MACROD2: variants seen among roughly 807,000 people sequenced by gnomAD.
The protein encoded by MACROD2 is mono-ADP ribosylhydrolase 2.
In MACROD2, 36 loss-of-function variants were observed where a neutral mutation model predicts 70.4. That is an observed-to-expected ratio of 0.51 (90% CI 0.39 to 0.68). MACROD2 has a LOEUF of 0.68. Ranked by LOEUF, MACROD2 falls within the 30% of genes least tolerant of loss-of-function variation. MACROD2 has a pLI of 0.00. For missense variants in MACROD2, 496 were observed against 538.4 expected (o/e 0.92, Z 0.78); for synonymous variants, 172 against 178.8 (o/e 0.96, Z 0.30).
chr20:15,527,815 A>G (rs1381237291), intron 8 of MACROD2, among the ~76,000 whole-genome samples: 2 of 152,172 alleles, frequency 1.3e-5, no homozygotes, highest in African/African-American at 4.8e-5. Context: ...CTAGATTCTC[A>G]TATTTTCCAA....
At chr20:14,498,503 A>T (rs934904897) in intron 4 of MACROD2, among the ~76,000 whole-genome samples, 2 of 152,330 alleles carry the variant, frequency 1.3e-5, no homozygotes, top group East Asian at 1.9e-4. Context: ...CCTGTGGCCA[A>T]TCATGATCCC....
intron 3 of MACROD2, among the ~76,000 whole-genome samples, chr20:14,093,111 C>T (rs1375886424): frequency 6.6e-6 from 1 of 152,156 alleles, no homozygotes; most frequent in East Asian, 1.9e-4. Context: ...ACAGGAATCT[C>T]ACTCTGTCAC....
At chr20:15,832,077 G>A (rs2064062193) in intron 8 of MACROD2, among the ~76,000 whole-genome samples, 1 of 152,130 alleles carries the variant, frequency 6.6e-6, no homozygotes, top group South Asian at 2.1e-4. Context: ...TGCATGATTT[G>A]ATTTTATCCA....
chr20:15,273,611 G>A (rs369703881), intron 6 of MACROD2, among the ~76,000 whole-genome samples: 15 of 152,218 alleles, frequency 9.9e-5, no homozygotes, highest in African/African-American at 3.6e-4. Flanking sequence ...GTGAGGAAAA[G>A]GCAGTTTTCT....
At chr20:15,420,057 G>T (rs1236571987) in intron 6 of MACROD2, among the ~76,000 whole-genome samples, 1 of 152,178 alleles carries the variant, frequency 6.6e-6, no homozygotes, top group Non-Finnish European at 1.5e-5. Flanking sequence ...CAGGTTTATG[G>T]AGACCTGTTC....
At chr20:14,641,595 C>T (rs1259287202) in intron 4 of MACROD2, among the ~76,000 whole-genome samples, 2 of 152,156 alleles carry the variant, frequency 1.3e-5, no homozygotes, top group Non-Finnish European at 2.9e-5. Context: ...TGATGGGCTA[C>T]AGAATGGATG....
intron 6 of MACROD2, among the ~76,000 whole-genome samples, chr20:15,269,442 T>C (rs1252661161): frequency 6.6e-6 from 1 of 152,260 alleles, no homozygotes; most frequent in Non-Finnish European, 1.5e-5. Flanking sequence ...CAGCTGATTA[T>C]GTCTTGTCCC....
chr20:15,159,555 T>C (rs1334574456), intron 5 of MACROD2, among the ~76,000 whole-genome samples: 1 of 152,080 alleles, frequency 6.6e-6, no homozygotes, highest in Non-Finnish European at 1.5e-5. Flanking sequence ...TTGCTTTATT[T>C]TGAGGAAGAC....
chr20:14,333,032 T>G (rs2082872837), intron 3 of MACROD2, among the ~76,000 whole-genome samples: 1 of 152,032 alleles, frequency 6.6e-6, no homozygotes, highest in Non-Finnish European at 1.5e-5. Flanking sequence ...AAATTTTCCA[T>G]GATCATCAGA....
intron 8 of MACROD2, among the ~76,000 whole-genome samples, chr20:15,775,893 C>T (rs1382428957): frequency 6.6e-6 from 1 of 151,944 alleles, no homozygotes; most frequent in Non-Finnish European, 1.5e-5. Context: ...TTACTCAGAT[C>T]CAAAGAAATA....
At chr20:14,123,737 C>A (rs1221777900) in intron 3 of MACROD2, among the ~76,000 whole-genome samples, 2 of 151,966 alleles carry the variant, frequency 1.3e-5, no homozygotes, top group Admixed American at 6.6e-5. Context: ...TGGTTTCTGG[C>A]AGGTTTAATG....
intron 5 of MACROD2, chr20:15,196,875 G>C: frequency 5.1e-6 from 5 of 985,364 alleles, no homozygotes; most frequent in Non-Finnish European, 6.0e-6. Context: ...AGAAGCAGAT[G>C]ACAGGCTCAG....
At chr20:14,444,263 T>C (rs1366200949) in intron 3 of MACROD2, among the ~76,000 whole-genome samples, 1 of 152,106 alleles carries the variant, frequency 6.6e-6, no homozygotes, top group African/African-American at 2.4e-5. Flanking sequence ...TACATTCTCC[T>C]GTGTTTTGCG....
chr20:15,678,343 A>G (rs934261306), intron 8 of MACROD2, among the ~76,000 whole-genome samples: 1 of 151,304 alleles, frequency 6.6e-6, no homozygotes, highest in Admixed American at 6.6e-5. Context: ...TCCAGCCTGG[A>G]CAACAGAGCA....
chr20:15,796,732 G>A (rs1030658837), intron 8 of MACROD2, among the ~76,000 whole-genome samples: 3 of 152,146 alleles, frequency 2.0e-5, no homozygotes, highest in Non-Finnish European at 4.4e-5. Context: ...GGTGTCAGAT[G>A]CCATCAAATG....
chr20:15,899,075 CAT>C (rs1480233091), intron 10 of MACROD2, among the ~76,000 whole-genome samples: 1 of 150,274 alleles, frequency 6.7e-6, no homozygotes, highest in Non-Finnish European at 1.5e-5. Flanking sequence ...TGTGTGTGCA[CAT>C]ATATATCTGT....
At chr20:15,334,620 G>A (rs941798269) in intron 6 of MACROD2, among the ~76,000 whole-genome samples, 2 of 151,382 alleles carry the variant, frequency 1.3e-5, no homozygotes, top group Non-Finnish European at 2.9e-5. Context: ...CCATTCAAAT[G>A]TTAGCTATTG....
At chr20:15,736,849 G>A (rs1471619467) in intron 8 of MACROD2, among the ~76,000 whole-genome samples, 6 of 152,094 alleles carry the variant, frequency 3.9e-5, no homozygotes, top group African/African-American at 1.2e-4. Flanking sequence ...AGGAGGTCCT[G>A]GAACCACTCT....
At chr20:15,674,144 A>G (rs1265635129) in intron 8 of MACROD2, among the ~76,000 whole-genome samples, 1 of 152,152 alleles carries the variant, frequency 6.6e-6, no homozygotes, top group Non-Finnish European at 1.5e-5. Context: ...TGATCCATGG[A>G]CCACACCGAG....
Sources: allele counts gnomAD v4.1 joint callset (sites outside exome capture counted in the v4.1 genomes callset), GRCh38; gene constraint gnomAD v4.1.1; transcripts MANE v1.5; gene names NCBI Gene and HGNC (gene_info 2026-07-23, HGNC 2026-07-21).